The following CACNB2 variants were observed in gnomAD, a reference collection of about 807,000 sequenced individuals.
CACNB2 encodes voltage-dependent L-type calcium channel subunit beta-2.
Under a neutral mutation model 73.3 loss-of-function variants are expected in CACNB2, and 42 were observed. The ratio of observed to expected loss-of-function variants is 0.57; its 90% CI spans 0.45 to 0.74. The LOEUF is 0.74. CACNB2 is among the 30% of genes least tolerant of loss of function. CACNB2 has a pLI of 0.00. For synonymous variants in CACNB2, 348 were observed against 310.3 expected, an observed-to-expected ratio of 1.12 and a Z score of -1.28; for missense variants, 940 against 853.0, an observed-to-expected ratio of 1.10 and a Z score of -1.27.
intron 2 of CACNB2, among the ~76,000 whole-genome samples, chr10:18,245,819 G>A (rs914379516): frequency 6.6e-6 from 1 of 152,040 alleles, no homozygotes. Flanking sequence ...GGTATGGGGT[G>A]GGAAGTGTTC....
intron 2 of CACNB2, chr10:18,234,193 G>C (rs1363259678): frequency 6.6e-6 from 1 of 152,314 alleles, no homozygotes; most frequent in Admixed American, 6.5e-5. Flanking sequence ...ACATGGCTGG[G>C]GTCTTCGTCT....
chr10:18,398,860 A>G (rs2043847007), intron 2 of CACNB2, among the ~76,000 whole-genome samples: 1 of 152,206 alleles, frequency 6.6e-6, no homozygotes, highest in Admixed American at 6.5e-5. Flanking sequence ...GCCAAAAGTC[A>G]TTGAAGAGAT....
intron 2 of CACNB2, among the ~76,000 whole-genome samples, chr10:18,171,931 A>G (rs1419627005): frequency 1.3e-5 from 2 of 152,112 alleles, no homozygotes; most frequent in Non-Finnish European, 2.9e-5. Context: ...CTGACATTTC[A>G]TAAATACTCT....
intron 10 of CACNB2, among the ~76,000 whole-genome samples, chr10:18,532,692 A>C (rs866300585): frequency 1.4e-3 from 122 of 87,506 alleles, no homozygotes; most frequent in South Asian, 4.0e-3. Flanking sequence ...AAAAAAAAAA[A>C]AAAACAAAAC....
chr10:18,198,146 A>C (rs2034713038), intron 2 of CACNB2, among the ~76,000 whole-genome samples: 1 of 148,570 alleles, frequency 6.7e-6, no homozygotes, highest in African/African-American at 2.4e-5. Flanking sequence ...TATATATTAC[A>C]TATCACACAT....
At chr10:18,531,559 C>T (rs758627274) in intron 10 of CACNB2, among the ~76,000 whole-genome samples, 7 of 152,084 alleles carry the variant, frequency 4.6e-5, no homozygotes, top group Non-Finnish European at 8.8e-5. Flanking sequence ...AATGGTATTC[C>T]TATCTTTATG....
At chr10:18,260,034 C>T (rs1215561082) in intron 2 of CACNB2, among the ~76,000 whole-genome samples, 1 of 152,164 alleles carries the variant, frequency 6.6e-6, no homozygotes, top group Admixed American at 6.5e-5. Flanking sequence ...CTTCTTAGGT[C>T]TCAACAGAAT....
rs116683656 is a variant in CACNB2 at position 18,463,047 on chromosome 10, G to A, written c.334-35308G>A. On this transcript the variant is annotated intron_variant, in intron 3 of 13. Coordinates refer to ENST00000324631, the MANE Select transcript of CACNB2 (RefSeq NM_201596.3). ...GTTAGGATTACAGGCAAGAGCCACC[G>A]CACCCGGCCACTTATTTCATTTATT... 7.4e-3 allele frequency among the ~76,000 whole-genome samples: 1,123 copies of A among 152,222 alleles called. 23 individuals carry two copies. The highest frequency in any genetic ancestry group is 0.025 in the African/African-American group (1,044 of 41,544).
rs747741084 is a variant in CACNB2, at chr10:18,539,382, C to T, written c.1641C>T (p.Arg547=). The change falls in exon 14 of 14, where the codon CGC becomes CGT. Residue 547 remains arginine (R), a synonymous_variant. Coordinates refer to ENST00000324631, the MANE Select transcript of CACNB2 (RefSeq NM_201596.3). The part of the protein sequence containing the change: ...PHHNHRSGTS[R]GLSRQETFDS... ...ACAACCATCGCAGTGGGACAAGTCGCGGCCTCTCCAGGCAAGAGACATTTG... is the reference window on the plus strand; with the variant it reads ...ACAACCATCGCAGTGGGACAAGTCGTGGCCTCTCCAGGCAAGAGACATTTG... 20 of 1,614,072 alleles carry T rather than the reference C, an allele frequency of 1.2e-5. No individual in the cohort carries two copies. The Admixed American group carries it at 1.3e-4, about 11-fold the overall frequency.
intron 2 of CACNB2, among the ~76,000 whole-genome samples, chr10:18,177,578 C>CAA (rs530495405): frequency 3.0e-5 from 4 of 135,118 alleles, no homozygotes; most frequent in African/African-American, 1.1e-4. Context: ...GACTCCATCT[C>CAA]AAAAAAAAAA....
intron 3 of CACNB2, among the ~76,000 whole-genome samples, chr10:18,428,901 A>G (rs1273354145): frequency 6.6e-6 from 1 of 152,174 alleles, no homozygotes; most frequent in Non-Finnish European, 1.5e-5. Context: ...ATTTTTGCCA[A>G]TAATTTGGTT....
chr10:18,491,973 T>C (rs1181988020), intron 3 of CACNB2, among the ~76,000 whole-genome samples: 1 of 152,116 alleles, frequency 6.6e-6, no homozygotes, highest in Non-Finnish European at 1.5e-5. Flanking sequence ...AAAAGAGATT[T>C]AATTGGCTCA....
In CACNB2 at chr10:18,315,033, A is replaced by G. The variant is rs557868681; in HGVS notation, c.214-86891A>G. On this transcript the variant is annotated intron_variant, in intron 2 of 13. Transcript: ENST00000324631. Reference sequence around the variant, plus strand: ...ACATGTACAAAGTACTTTCTAATTCAGAGATAAAAACAGTGGGACCAGGCG... The same window carrying G: ...ACATGTACAAAGTACTTTCTAATTCGGAGATAAAAACAGTGGGACCAGGCG... 5.3e-4 allele frequency among the ~76,000 whole-genome samples: 80 copies of G among 152,314 alleles called. 1 individual carries two copies. In the South Asian group the frequency reaches 0.016, roughly 31 times the overall value.
chr10:18,280,671 C>G (rs1204479760), intron 2 of CACNB2, among the ~76,000 whole-genome samples: 1 of 152,146 alleles, frequency 6.6e-6, no homozygotes, highest in Non-Finnish European at 1.5e-5. Flanking sequence ...GTCTTCACTA[C>G]CAGTCAGTAC....
At chr10:18,485,902 G>T (rs1415292587) in intron 3 of CACNB2, among the ~76,000 whole-genome samples, 1 of 140,146 alleles carries the variant, frequency 7.1e-6, no homozygotes, top group South Asian at 2.3e-4. Context: ...TCTTACAATA[G>T]GGATCTGGGT....
At chr10:18,524,037 C>T (rs962856860) in intron 9 of CACNB2, among the ~76,000 whole-genome samples, 1 of 152,100 alleles carries the variant, frequency 6.6e-6, no homozygotes, top group Admixed American at 6.5e-5. Flanking sequence ...AAATCATCCT[C>T]CTCCTCCTCC....
At chr10:18,145,028 C>A (rs1564291443) in intron 1 of CACNB2, among the ~76,000 whole-genome samples, 1 of 152,154 alleles carries the variant, frequency 6.6e-6, no homozygotes. Context: ...CTCTAGGCCT[C>A]AGAGAGATTG....
intron 2 of CACNB2, among the ~76,000 whole-genome samples, chr10:18,199,477 C>A (rs1264204527): frequency 6.6e-6 from 1 of 151,984 alleles, no homozygotes. Context: ...GCAGATGGAA[C>A]CCCATGAGAA....
At chr10:18,242,344 A>G (rs2036689397) in intron 2 of CACNB2, among the ~76,000 whole-genome samples, 1 of 152,228 alleles carries the variant, frequency 6.6e-6, no homozygotes, top group Admixed American at 6.5e-5. Context: ...AGAGAGTTAA[A>G]TGGAATATAC....
Sources: gnomAD v4.1 joint callset for allele counts (sites outside exome capture counted in the v4.1 genomes callset) on GRCh38, gnomAD v4.1.1 for gene constraint, MANE v1.5 for transcripts, NCBI Gene and HGNC (gene_info 2026-07-23, HGNC 2026-07-21) for gene names.